The following THADA variants were observed in gnomAD, a reference collection of about 807,000 sequenced individuals.
The protein encoded by THADA is THADA armadillo repeat containing.
THADA carries 213 observed loss-of-function variants against 219.8 expected under a neutral mutation model. The ratio of observed to expected loss-of-function variants is 0.97; its 90% CI spans 0.87 to 1.09. The LOEUF (loss-of-function observed/expected upper bound fraction) is 1.09, where lower values mean the gene tolerates loss of function less well. THADA is among the 50% of genes least tolerant of loss of function. THADA has a pLI of 0.00. For synonymous variants in THADA, 1,018 were observed against 828.9 expected, an observed-to-expected ratio of 1.23 and a Z score of -3.92; for missense variants, 2,956 against 2,311.3, an observed-to-expected ratio of 1.28 and a Z score of -5.72.
At chr2:43,518,621 G>C (rs1692029543) in intron 22 of THADA, among the ~76,000 whole-genome samples, 1 of 152,192 alleles carries the variant, frequency 6.6e-6, no homozygotes, top group African/African-American at 2.4e-5. Flanking sequence ...TATGAACACA[G>C]AGTAGAAACT....
At chr2:43,278,162 G>C (rs776638636) in intron 36 of THADA, among the ~76,000 whole-genome samples, 3 of 151,950 alleles carry the variant, frequency 2.0e-5, no homozygotes, top group Non-Finnish European at 2.9e-5. Flanking sequence ...TATTGGCCAG[G>C]CTAGTCTTGA....
chr2:43,332,825 T>C (rs992371516), intron 30 of THADA, among the ~76,000 whole-genome samples: 7 of 152,140 alleles, frequency 4.6e-5, no homozygotes, highest in Non-Finnish European at 1.0e-4. Flanking sequence ...ATCTCCAGGT[T>C]AGGTTTGCAG....
At chr2:43,505,847 T>C (rs1454984785) in intron 23 of THADA, 112 bp from the exon 24 acceptor site, 1 of 762,620 alleles carries the variant, frequency 1.3e-6, no homozygotes, top group African/African-American at 1.8e-5. Flanking sequence ...AACATGTGGT[T>C]ATCAAAGAAA....
At chr2:43,261,128 T>C (rs1165752083) in intron 36 of THADA, among the ~76,000 whole-genome samples, 1 of 152,072 alleles carries the variant, frequency 6.6e-6, no homozygotes. Flanking sequence ...TCTTCATACT[T>C]TTTGTCTTAA....
intron 28 of THADA, among the ~76,000 whole-genome samples, chr2:43,401,993 G>A (rs1408489562): frequency 6.6e-6 from 1 of 151,192 alleles, no homozygotes. Flanking sequence ...AGAAACTAAT[G>A]TAAACTATGG....
chr2:43,377,004 C>T (rs1280399005), intron 29 of THADA, among the ~76,000 whole-genome samples: 6 of 152,152 alleles, frequency 3.9e-5, no homozygotes, highest in Non-Finnish European at 8.8e-5. Flanking sequence ...ATGGAGTACA[C>T]GGCTCACAGG....
intron 15 of THADA, chr2:43,566,322 C>T: frequency 1.8e-6 from 1 of 555,494 alleles, no homozygotes; most frequent in Non-Finnish European, 3.2e-6. Context: ...ACCACAGAGA[C>T]TCACTGAGAA....
At chr2:43,382,839 C>T (rs916046478) in intron 29 of THADA, among the ~76,000 whole-genome samples, 1 of 152,120 alleles carries the variant, frequency 6.6e-6, no homozygotes, top group African/African-American at 2.4e-5. Flanking sequence ...TTAAGTAACA[C>T]AACACAGTCT....
At position 43,459,346 on chromosome 2, in the gene THADA, C is replaced by CAGATTA. The variant is rs376299929; in HGVS notation, c.3836+25882_3836+25887dup. 8.5e-5 allele frequency among the ~76,000 whole-genome samples: 13 copies of CAGATTA among 152,238 alleles called. No homozygotes were observed. In the East Asian group the frequency reaches 1.5e-3, roughly 18 times the overall value. On this transcript the variant is annotated intron_variant, in intron 26 of 37. Transcript: ENST00000405975. ...ATGTCTTCCTTGACTCCCCCAATCC[C>CAGATTA]AGATTATATGCATTTCCCATGTGCT...
chr2:43,418,448 A>T (rs564425320), intron 28 of THADA, among the ~76,000 whole-genome samples: 6 of 152,142 alleles, frequency 3.9e-5, no homozygotes, highest in African/African-American at 1.4e-4. Flanking sequence ...CCTGATTCTG[A>T]TATGTTTCCC....
chr2:43,512,795 C>A (rs563389784), intron 22 of THADA, among the ~76,000 whole-genome samples: 1 of 152,252 alleles, frequency 6.6e-6, no homozygotes, highest in African/African-American at 2.4e-5. Flanking sequence ...AGCCACCGCA[C>A]CCGGCCACAA....
intron 35 of THADA, among the ~76,000 whole-genome samples, 183 bp downstream of exon 35, chr2:43,286,725 C>CA (rs955175336): frequency 1.2e-4 from 18 of 148,790 alleles, no homozygotes; most frequent in African/African-American, 4.0e-4. Context: ...AACTCCGTCT[C>CA]AAAAAAAAAG....
At chr2:43,467,718 G>C (rs1291585298) in intron 26 of THADA, among the ~76,000 whole-genome samples, 1 of 152,018 alleles carries the variant, frequency 6.6e-6, no homozygotes, top group Non-Finnish European at 1.5e-5. Context: ...AAAAATAATT[G>C]ACTATTAATT....
intron 30 of THADA, among the ~76,000 whole-genome samples, chr2:43,321,623 C>T (rs1455560297): frequency 6.6e-6 from 1 of 152,172 alleles, no homozygotes; most frequent in African/African-American, 2.4e-5. Flanking sequence ...TGCCTTCAGC[C>T]TTCCACCATG....
intron 20 of THADA, 48 bp from the exon 21 acceptor site, chr2:43,541,364 CCAG>C: frequency 1.3e-6 from 2 of 1,598,238 alleles, no homozygotes; most frequent in Non-Finnish European, 1.7e-6. Flanking sequence ...TACTCATATC[CCAG>C]GTTTCTAAAA....
At chr2:43,491,356 T>C (rs1687615348) in intron 25 of THADA, among the ~76,000 whole-genome samples, 1 of 152,164 alleles carries the variant, frequency 6.6e-6, no homozygotes, top group African/African-American at 2.4e-5. Flanking sequence ...ATTAGGTTGG[T>C]GCAAAAGTAA....
At chr2:43,295,450 A>G (rs1675258711) in intron 31 of THADA, among the ~76,000 whole-genome samples, 2 of 152,194 alleles carry the variant, frequency 1.3e-5, no homozygotes, top group African/African-American at 4.8e-5. Flanking sequence ...TCTGTCCATG[A>G]AGTTTTATCT....
rs78672111 is a variant in THADA at position 43,358,789 on chromosome 2, T to C, written c.4228-14552A>G. 8.3e-4 allele frequency among the ~76,000 whole-genome samples: 127 copies of C among 152,294 alleles called. 1 individual carries two copies. The highest frequency in any genetic ancestry group is 2.8e-3 in the African/African-American group (116 of 41,546). On this transcript the variant is annotated intron_variant, in intron 29 of 37. Coordinates refer to ENST00000405975, the MANE Select transcript of THADA (RefSeq NM_022065.5). ...AGGAGTTTGCTGGCTTCCAATGCAC[T>C]GTGGGAACAGACAGACTCCTCTTTT...
intron 29 of THADA, among the ~76,000 whole-genome samples, chr2:43,393,983 G>A (rs776511048): frequency 2.0e-5 from 3 of 152,136 alleles, no homozygotes; most frequent in Non-Finnish European, 4.4e-5. Context: ...AGAGTGATAA[G>A]TAACCTAGTA....
Sources: allele counts gnomAD v4.1 joint callset (sites outside exome capture counted in the v4.1 genomes callset), GRCh38; gene constraint gnomAD v4.1.1; transcripts MANE v1.5; gene names NCBI Gene and HGNC (gene_info 2026-07-23, HGNC 2026-07-21).